Variants in SUPT3H observed in about 807,000 individuals in gnomAD.
SUPT3H encodes the protein SPT3 homolog, SAGA and STAGA complex component.
SUPT3H carries 44 observed loss-of-function variants against 44.3 expected under a neutral mutation model. The observed-to-expected ratio is 0.99, with a 90% confidence interval of 0.78 to 1.28. The LOEUF (loss-of-function observed/expected upper bound fraction) is 1.28. Ranked by LOEUF, SUPT3H falls within the 50% of genes most tolerant of loss-of-function variation. The pLI is 0.00. For missense variants in SUPT3H, 380 were observed against 387.1 expected (o/e 0.98, Z 0.15); for synonymous variants, 124 against 125.6 (o/e 0.99, Z 0.09).
chr6:44,900,369 GATTATATTCT>G (rs1764784280), intron 10 of SUPT3H, among the ~76,000 whole-genome samples: 2 of 152,240 alleles, frequency 1.3e-5, no homozygotes, highest in African/African-American at 4.8e-5. Context: ...CACACCAGGA[GATTATATTCT>G]GCGCCTGGCT....
At chr6:45,272,711 G>A (rs1260435687) in intron 2 of SUPT3H, among the ~76,000 whole-genome samples, 7 of 152,174 alleles carry the variant, frequency 4.6e-5, no homozygotes, top group Admixed American at 1.3e-4. Flanking sequence ...CAGGAGTACC[G>A]TCCTGGTGGA....
At chr6:44,840,787 G>A (rs1770807785) in intron 10 of SUPT3H, among the ~76,000 whole-genome samples, 1 of 152,148 alleles carries the variant, frequency 6.6e-6, no homozygotes, top group Admixed American at 6.6e-5. Context: ...CCATTTTCAT[G>A]CACTGACTCT....
chr6:45,333,205 T>C (rs747193543), intron 2 of SUPT3H, among the ~76,000 whole-genome samples: 23 of 151,770 alleles, frequency 1.5e-4, no homozygotes, highest in Middle Eastern at 3.4e-3. Flanking sequence ...TGAAATTCAC[T>C]GGATATATTT....
At chr6:45,001,606 C>CTTTTTTTTAAT (rs200568535) in intron 6 of SUPT3H, among the ~76,000 whole-genome samples, 1 of 151,934 alleles carries the variant, frequency 6.6e-6, no homozygotes, top group African/African-American at 2.4e-5. Flanking sequence ...AGCTAGAATA[C>CTTTTTTTTAAT]CAAGTGAGTT....
chr6:45,119,528 A>C (rs1801306270), intron 2 of SUPT3H, among the ~76,000 whole-genome samples: 1 of 152,162 alleles, frequency 6.6e-6, no homozygotes, highest in Non-Finnish European at 1.5e-5. Flanking sequence ...TTAAAACCTT[A>C]AGCATATAGG....
At chr6:44,899,013 T>C (rs1233868275) in intron 10 of SUPT3H, 2 of 152,160 alleles carry the variant, frequency 1.3e-5, no homozygotes, top group Non-Finnish European at 2.9e-5. Flanking sequence ...AAAATTTTGT[T>C]TGGATCATGA....
chr6:44,892,412 G>C (rs1763447665), intron 10 of SUPT3H, among the ~76,000 whole-genome samples: 1 of 152,104 alleles, frequency 6.6e-6, no homozygotes, highest in Non-Finnish European at 1.5e-5. Flanking sequence ...TCCGTACCAG[G>C]AACTGAGTCA....
At chr6:45,047,399 G>C (rs1252141004) in intron 3 of SUPT3H, among the ~76,000 whole-genome samples, 1 of 152,126 alleles carries the variant, frequency 6.6e-6, no homozygotes, top group Non-Finnish European at 1.5e-5. Context: ...AAATAAGTAA[G>C]AATATTAGGG....
In SUPT3H at chr6:45,083,474, G is replaced by A. The variant is rs533152964; in HGVS notation, c.186+22448C>T. ...CAAACTGCTGGGATTGCAGGCATGA[G>A]CCACTGTGCCCGGCCAAGAATCACT... is the stretch of plus-strand genomic sequence containing the variant. On this transcript the variant is annotated intron_variant, in intron 3 of 10. Transcript: ENST00000371459. Among the ~76,000 whole-genome samples the A allele has an allele frequency of 1.4e-3, 211 of 152,156 alleles. 1 individual carries two copies. The highest frequency in any genetic ancestry group is 2.3e-3 in the Non-Finnish European group (159 of 68,002).
At position 44,870,953 on chromosome 6, in the gene SUPT3H, G is replaced by A. The variant is rs1195111724; in HGVS notation, c.913-41096C>T. The stretch of plus-strand genomic sequence containing the variant: ...CGCTTTTCAGACCGGCTTAAAAAAC[G>A]GCGCACCACGAGACTATATCCCACA... On this transcript the variant is annotated intron_variant, in intron 10 of 10. Coordinates refer to ENST00000371459, the MANE Select transcript of SUPT3H (RefSeq NM_003599.4). 4.0e-5 allele frequency among the ~76,000 whole-genome samples: 6 copies of A among 151,612 alleles called. No individual in the cohort carries two copies. The East Asian group carries it at 7.9e-4, about 20-fold the overall frequency.
At chr6:45,255,612 G>A (rs1436377015) in intron 2 of SUPT3H, among the ~76,000 whole-genome samples, 1 of 151,538 alleles carries the variant, frequency 6.6e-6, no homozygotes, top group African/African-American at 2.4e-5. Flanking sequence ...TTGTAGAAAT[G>A]GGGTCTCACT....
chr6:45,185,713 G>T (rs867202272), intron 2 of SUPT3H, among the ~76,000 whole-genome samples: 1 of 152,190 alleles, frequency 6.6e-6, no homozygotes, highest in Admixed American at 6.5e-5. Context: ...ACACCTAGGG[G>T]CTACCCCAGT....
chr6:44,903,583 G>A (rs1765474450), intron 10 of SUPT3H, among the ~76,000 whole-genome samples: 1 of 152,120 alleles, frequency 6.6e-6, no homozygotes, highest in Non-Finnish European at 1.5e-5. Context: ...TGGATTCACA[G>A]CCGAATTCTA....
chr6:45,200,252 T>C (rs1762263914), intron 2 of SUPT3H, among the ~76,000 whole-genome samples: 1 of 151,572 alleles, frequency 6.6e-6, no homozygotes, highest in African/African-American at 2.4e-5. Flanking sequence ...ATGAGTGCTG[T>C]ATTTATATGT....
intron 2 of SUPT3H, among the ~76,000 whole-genome samples, chr6:45,348,753 A>G (rs1791439979): frequency 6.6e-6 from 1 of 151,946 alleles, no homozygotes; most frequent in Non-Finnish European, 1.5e-5. Context: ...GGAAGATGTT[A>G]GTGCACATTA....
intron 11 of SUPT3H, among the ~76,000 whole-genome samples, chr6:44,816,899 C>A (rs1022423855): frequency 8.7e-5 from 11 of 126,250 alleles, no homozygotes; most frequent in African/African-American, 3.9e-4. Flanking sequence ...CAAAATAAAA[C>A]AACAACAAAA....
chr6:45,243,239 C>A lies in SUPT3H; in HGVS notation c.101+121962G>T, dbSNP rs970598554. On this transcript the variant is annotated intron_variant, in intron 2 of 10. Transcript: ENST00000371459. ...AAAAAAAGCTACTATGTATTATATA[C>A]AAGCTCAAGAATTTAAAATGAGCAG... 4.9e-5 allele frequency among the ~76,000 whole-genome samples: 6 copies of A among 122,554 alleles called. No individual in the cohort carries two copies. In the South Asian group the frequency reaches 9.0e-4, roughly 18 times the overall value. 80.4% of individuals were successfully genotyped at this position (122,554 alleles called of 152,430 possible). A position where few individuals can be genotyped will look rare whatever the true frequency, so the allele number is the denominator to read the frequency against.
At chr6:45,140,124 G>T (rs1237253217) in intron 2 of SUPT3H, among the ~76,000 whole-genome samples, 1 of 151,948 alleles carries the variant, frequency 6.6e-6, no homozygotes, top group Non-Finnish European at 1.5e-5. Flanking sequence ...TGAACTATAT[G>T]ATACAGCAGA....
At chr6:45,046,656 G>A (rs1448274966) in intron 3 of SUPT3H, among the ~76,000 whole-genome samples, 2 of 152,188 alleles carry the variant, frequency 1.3e-5, no homozygotes, top group Non-Finnish European at 2.9e-5. Flanking sequence ...TAGGTTTACA[G>A]TGAGTTTTAA....
Sources: gnomAD v4.1 joint callset for allele counts (sites outside exome capture counted in the v4.1 genomes callset) on GRCh38, gnomAD v4.1.1 for gene constraint, MANE v1.5 for transcripts, NCBI Gene and HGNC (gene_info 2026-07-23, HGNC 2026-07-21) for gene names.